Variants in PRUNE2 observed in about 807,000 individuals in gnomAD.
The protein encoded by PRUNE2 is protein prune homolog 2.
Under a neutral mutation model 252.0 loss-of-function variants are expected in PRUNE2, and 164 were observed. The observed-to-expected ratio is 0.65, with a 90% CI of 0.57 to 0.74. The LOEUF (loss-of-function observed/expected upper bound fraction) is 0.74, where lower values mean the gene tolerates loss of function less well. Among genes scored for constraint, PRUNE2 ranks in the 30% least tolerant of loss-of-function variants. The probability of loss-of-function intolerance (pLI) is 0.00; values close to 1 mark genes in which losing one functional copy is unlikely to be tolerated. For synonymous variants in PRUNE2, 1,292 were observed against 1,350.2 expected, an observed-to-expected ratio of 0.96 and a Z score of 0.94; for missense variants, 3,495 against 3,711.0, an observed-to-expected ratio of 0.94 and a Z score of 1.51.
intron 4 of PRUNE2, among the ~76,000 whole-genome samples, chr9:76,832,762 A>G (rs2058738871): frequency 6.6e-6 from 1 of 152,078 alleles, no homozygotes; most frequent in African/African-American, 2.4e-5. Flanking sequence ...GATTTCTGGA[A>G]AAAACTAATA....
At chr9:76,865,740 A>G (rs1018155905) in intron 1 of PRUNE2, among the ~76,000 whole-genome samples, 1 of 151,978 alleles carries the variant, frequency 6.6e-6, no homozygotes, top group Non-Finnish European at 1.5e-5. Context: ...TAGGCTGCAA[A>G]TAATCATTCC....
intron 6 of PRUNE2, 92 bp downstream of exon 6, chr9:76,823,540 T>C (rs947419711): frequency 6.3e-6 from 5 of 797,876 alleles, no homozygotes; most frequent in African/African-American, 3.4e-5. Context: ...AGGACTATCA[T>C]GGACTTATCC....
At chr9:76,738,164 G>A (rs2049246864) in intron 6 of PRUNE2, 1 of 151,978 alleles carries the variant, frequency 6.6e-6, no homozygotes, top group Non-Finnish European at 1.5e-5. Context: ...GCTTATTTTT[G>A]TATTTAATCA....
At position 76,827,150 on chromosome 9, in the gene PRUNE2, C is replaced by A. The variant is rs866462938; in HGVS notation, c.509-418G>T. On this transcript the variant is annotated intron_variant, in intron 4 of 18. Coordinates refer to ENST00000376718, the MANE Select transcript of PRUNE2 (RefSeq NM_015225.3). The stretch of plus-strand genomic sequence containing the variant: ...GACCAGAAAGAATACTGTTTCCACT[C>A]ATTATATTATTAATTTTACATACAA... 6.5e-3 allele frequency among the ~76,000 whole-genome samples: 996 copies of A among 152,286 alleles called. 9 individuals are homozygous for A. Among genetic ancestry groups the A allele is most frequent in the African/African-American group, 0.021 (882 of 41,552 alleles).
intron 9 of PRUNE2, among the ~76,000 whole-genome samples, 172 bp from the exon 10 acceptor site, chr9:76,655,674 T>C (rs1588215527): frequency 6.6e-6 from 1 of 152,190 alleles, no homozygotes; most frequent in African/African-American, 2.4e-5. Context: ...TCTGCAGTTA[T>C]GGTAAATGAG....
At chr9:76,678,690 G>A (rs1382338234) in intron 9 of PRUNE2, among the ~76,000 whole-genome samples, 7 of 152,086 alleles carry the variant, frequency 4.6e-5, no homozygotes, top group Admixed American at 2.6e-4. Flanking sequence ...TTAGCCGGGC[G>A]TGGTGGCGGG....
intron 6 of PRUNE2, among the ~76,000 whole-genome samples, chr9:76,781,723 T>C (rs954992017): frequency 2.0e-5 from 3 of 152,246 alleles, no homozygotes; most frequent in South Asian, 4.1e-4. Flanking sequence ...AAGAATTATG[T>C]GTATTTTAGT....
At position 76,829,516 on chromosome 9, in the gene PRUNE2, T is replaced by C. The variant is rs181574284; in HGVS notation, c.509-2784A>G. ...TTGTCTGTTTCTATAAATGAAGTTT[T>C]ATTGGAACACAGCCATGTTCATTAA... On this transcript the variant is annotated intron_variant, in intron 4 of 18. Coordinates refer to ENST00000376718, the MANE Select transcript of PRUNE2 (RefSeq NM_015225.3). 1.8e-4 allele frequency among the ~76,000 whole-genome samples: 28 copies of C among 152,338 alleles called. No individual in the cohort carries two copies. The East Asian group carries it at 5.0e-3, about 27-fold the overall frequency.
At position 76,878,801 on chromosome 9, in the gene PRUNE2, C is replaced by G. The variant is rs149982233; in HGVS notation, c.37-24593G>C. Among the ~76,000 whole-genome samples the G allele has an allele frequency of 3.6e-3, 541 of 152,276 alleles. 4 individuals carry two copies. The highest frequency in any genetic ancestry group is 0.013 in the African/African-American group (521 of 41,544). The stretch of plus-strand genomic sequence containing the variant: ...AAGCAATCTGAATTACAAGGAATTA[C>G]TCTTATTTTAAAGTGTATATTATTA... On this transcript the variant is annotated intron_variant, in intron 1 of 18. Transcript: ENST00000376718.
chr9:76,764,431 T>A (rs1391883965), intron 6 of PRUNE2: 2 of 152,056 alleles, frequency 1.3e-5, no homozygotes, highest in African/African-American at 4.8e-5. Flanking sequence ...GTCAGAGTGT[T>A]CCAGACAGAA....
chr9:76,676,826 T>C (rs2042670637), intron 9 of PRUNE2, among the ~76,000 whole-genome samples: 1 of 152,120 alleles, frequency 6.6e-6, no homozygotes, highest in African/African-American at 2.4e-5. Context: ...CAAAATAAAG[T>C]GTAGGAAGCA....
chr9:76,635,265 C>A (rs1839530054), intron 15 of PRUNE2, among the ~76,000 whole-genome samples: 1 of 152,168 alleles, frequency 6.6e-6, no homozygotes, highest in Non-Finnish European at 1.5e-5. Context: ...AGCCACCCCG[C>A]TTGGCTGCTC....
At chr9:76,659,255 G>T (rs540295146) in intron 9 of PRUNE2, among the ~76,000 whole-genome samples, 8 of 152,286 alleles carry the variant, frequency 5.3e-5, no homozygotes, top group African/African-American at 1.7e-4. Context: ...GTTTCAAAGG[G>T]AATATTTGAC....
chr9:76,843,161 AT>A (rs2059484494), intron 4 of PRUNE2, among the ~76,000 whole-genome samples: 1 of 152,228 alleles, frequency 6.6e-6, no homozygotes, highest in African/African-American at 2.4e-5. Flanking sequence ...GGATGAGCTC[AT>A]GTCCTTTGCA....
In PRUNE2 at chr9:76,707,844, A is replaced by C. The variant is rs1161483439; in HGVS notation, c.4430T>G (p.Val1477Gly). ...EECNFLEPEN[V>G]GGGPPHRVPR... The stretch of plus-strand genomic sequence containing the variant: ...AACTCTGTGAGGTGGCCCTCCACCC[A>C]CGTTCTCTGGCTCTAGAAAGTTACA... Residue 1477 changes from valine (V) to glycine (G), a missense_variant, in exon 8 of 19, where the codon GTG (valine) becomes GGG (glycine). By Grantham distance (109) the Val-to-Gly change is moderately radical (BLOSUM62 -3). Coordinates refer to ENST00000376718, the MANE Select transcript of PRUNE2 (RefSeq NM_015225.3). 6.2e-7 allele frequency: 1 copy of C among 1,613,728 alleles called. No homozygotes were observed. The highest frequency in any genetic ancestry group is 1.7e-5 in the Admixed American group (1 of 60,002).
chr9:76,832,906 A>G (rs2058747107), intron 4 of PRUNE2, among the ~76,000 whole-genome samples: 1 of 152,146 alleles, frequency 6.6e-6, no homozygotes, highest in South Asian at 2.1e-4. Context: ...CTTGGTTTTA[A>G]TAAGTTTTAA....
intron 4 of PRUNE2, among the ~76,000 whole-genome samples, chr9:76,842,479 T>C (rs991174193): frequency 7.3e-6 from 1 of 137,634 alleles, no homozygotes; most frequent in Admixed American, 6.8e-5. Context: ...AAAGCCAAAA[T>C]TGACAAATAA....
chr9:76,870,591 C>T (rs1018997071), intron 1 of PRUNE2, among the ~76,000 whole-genome samples: 2 of 151,006 alleles, frequency 1.3e-5, no homozygotes, highest in Admixed American at 1.3e-4. Flanking sequence ...GAGGCTGAGG[C>T]AGGAGAATGG....
In PRUNE2 at chr9:76,707,511, G is replaced by C; in HGVS notation, c.4763C>G (p.Thr1588Ser). 1 of 1,613,774 alleles carries C rather than the reference G, an allele frequency of 6.2e-7. No homozygotes were observed. The highest frequency in any genetic ancestry group is 8.5e-7 in the Non-Finnish European group (1 of 1,179,736). ...EQNHQESELI[T>S]TDGQVEIVTK... ...AACTATTTCTACTTGGCCATCAGTG[G>C]TAATTAGTTCAGATTCTTGGTGATT... Residue 1588 changes from threonine to serine, a missense_variant, in exon 8 of 19, where the codon ACC becomes AGC. By Grantham distance (58) the Thr-to-Ser change is moderately conservative. Transcript: ENST00000376718.
Sources: allele counts gnomAD v4.1 joint callset (sites outside exome capture counted in the v4.1 genomes callset), GRCh38; gene constraint gnomAD v4.1.1; transcripts MANE v1.5; gene names NCBI Gene and HGNC (gene_info 2026-07-23, HGNC 2026-07-21).